XKR4: variants seen among roughly 807,000 people sequenced by gnomAD.
The protein encoded by XKR4 is XK-related protein 4.
A neutral mutation model predicts 53.9 loss-of-function variants in XKR4; 12 were observed. That is an observed-to-expected ratio of 0.22 (90% CI 0.14 to 0.36). The LOEUF is 0.36. XKR4 is among the 10% of genes least tolerant of loss of function. The pLI, the probability that XKR4 is intolerant of heterozygous loss-of-function variation, is 1.00. For synonymous variants in XKR4, 354 were observed against 362.4 expected (o/e 0.98, Z 0.26); for missense variants, 799 against 859.5 (o/e 0.93, Z 0.88).
chr8:55,155,631 TAAGAGA>T (rs773157845), intron 1 of XKR4, among the ~76,000 whole-genome samples: 1 of 148,032 alleles, frequency 6.8e-6, no homozygotes, highest in African/African-American at 2.5e-5. Context: ...ATAAAGGCAT[TAAGAGA>T]GAGAGAGAGA....
chr8:55,323,341 T>G (rs1803243397), intron 1 of XKR4, among the ~76,000 whole-genome samples: 1 of 152,222 alleles, frequency 6.6e-6, no homozygotes, highest in Non-Finnish European at 1.5e-5. Flanking sequence ...GCTACCCCTT[T>G]GCGGTCAATC....
intron 2 of XKR4, chr8:55,451,308 C>T (rs1389458263): frequency 3.3e-6 from 2 of 598,712 alleles, no homozygotes; most frequent in East Asian, 2.8e-5. Context: ...TGGATGCCGC[C>T]GCCATGGGGT....
At chr8:55,341,537 T>C (rs760660893) in intron 1 of XKR4, among the ~76,000 whole-genome samples, 7 of 152,176 alleles carry the variant, frequency 4.6e-5, no homozygotes, top group Non-Finnish European at 8.8e-5. Flanking sequence ...CCCTTTCCAG[T>C]AAGGATATTT....
chr8:55,132,884 C>G (rs1230946773), intron 1 of XKR4, among the ~76,000 whole-genome samples: 1 of 151,786 alleles, frequency 6.6e-6, no homozygotes, highest in African/African-American at 2.4e-5. Context: ...TGCTCAGCTC[C>G]CTGTGCCATG....
chr8:55,453,487 G>C (rs1017237185), intron 2 of XKR4: 2 of 394,690 alleles, frequency 5.1e-6, no homozygotes, highest in South Asian at 3.9e-5. Context: ...AGTTGCCCAC[G>C]ACCTCCAGCT....
chr8:55,281,554 C>T (rs73682943), intron 1 of XKR4, among the ~76,000 whole-genome samples: 2,823 of 152,252 alleles, frequency 0.019, 79 homozygotes, highest in African/African-American at 0.064. Context: ...TCACATTGAC[C>T]TATGACCTCA....
At chr8:55,267,725 T>G (rs1190783184) in intron 1 of XKR4, among the ~76,000 whole-genome samples, 1 of 152,174 alleles carries the variant, frequency 6.6e-6, no homozygotes. Context: ...ACTATAATAA[T>G]TTTACAATTG....
chr8:55,365,484 C>T (rs1039503185), intron 2 of XKR4, among the ~76,000 whole-genome samples: 2 of 152,186 alleles, frequency 1.3e-5, no homozygotes, highest in Non-Finnish European at 2.9e-5. Flanking sequence ...GCGGGCGGAT[C>T]ACCTGAGGTT....
chr8:55,460,685 C>G (rs2975970), intron 2 of XKR4, among the ~76,000 whole-genome samples: 1 of 152,120 alleles, frequency 6.6e-6, no homozygotes, highest in Non-Finnish European at 1.5e-5. Flanking sequence ...GGTGAGGCAT[C>G]GCCTCACCCG....
chr8:55,186,360 A>G (rs1817376210), intron 1 of XKR4, among the ~76,000 whole-genome samples: 1 of 152,234 alleles, frequency 6.6e-6, no homozygotes, highest in Non-Finnish European at 1.5e-5. Context: ...TTTGCCTTTA[A>G]AAATTCAAAT....
At chr8:55,449,057 T>C (rs1158777833) in intron 2 of XKR4, among the ~76,000 whole-genome samples, 1 of 150,278 alleles carries the variant, frequency 6.7e-6, no homozygotes, top group African/African-American at 2.4e-5. Context: ...GTCATGGTGG[T>C]ATTAAGAGAT....
At chr8:55,200,972 T>G (rs1349579357) in intron 1 of XKR4, among the ~76,000 whole-genome samples, 1 of 152,238 alleles carries the variant, frequency 6.6e-6, no homozygotes, top group Non-Finnish European at 1.5e-5. Flanking sequence ...TTATATTAAC[T>G]AATAATGTAG....
At chr8:55,206,268 C>A (rs994761793) in intron 1 of XKR4, among the ~76,000 whole-genome samples, 20 of 152,190 alleles carry the variant, frequency 1.3e-4, no homozygotes, top group Admixed American at 2.0e-4. Context: ...CCACGTCCTG[C>A]TGATTGGTCC....
intron 1 of XKR4, among the ~76,000 whole-genome samples, chr8:55,346,953 C>T (rs1803656546): frequency 2.0e-5 from 3 of 152,088 alleles, no homozygotes; most frequent in Admixed American, 1.3e-4. Context: ...TTAATGATTT[C>T]TTATTCAGCT....
chr8:55,153,155 C>G (rs924369012), intron 1 of XKR4, among the ~76,000 whole-genome samples: 2 of 152,180 alleles, frequency 1.3e-5, no homozygotes. Context: ...CACACACACT[C>G]TAGCATCAAG....
At chr8:55,336,041 CAAAAAAAAAA>C (rs34885296) in intron 1 of XKR4, among the ~76,000 whole-genome samples, 1 of 113,706 alleles carries the variant, frequency 8.8e-6, no homozygotes, top group African/African-American at 3.2e-5. Flanking sequence ...AACTCTATAC[CAAAAAAAAAA>C]AAAAAAAAGA....
At chr8:55,490,940 C>G (rs541728776) in intron 2 of XKR4, among the ~76,000 whole-genome samples, 2 of 148,254 alleles carry the variant, frequency 1.3e-5, no homozygotes, top group Non-Finnish European at 3.0e-5. Context: ...GCCCCCCCCC[C>G]ACCTTTATGA....
At position 55,535,303 on chromosome 8, in the gene XKR4, G is replaced by T. The variant is rs2129407151; in HGVS notation, c.*11076G>T. ...AGGTTTGTTACATATGTATACATGT[G>T]CCATGTTGGTGTGCTGTACCTATTA... On this transcript the variant is annotated 3_prime_UTR_variant, in exon 3 of 3. Transcript: ENST00000327381. The T allele has an allele frequency of 6.6e-6, 1 of 151,360 alleles. No homozygotes were observed. The highest frequency in any genetic ancestry group is 1.5e-5 in the Non-Finnish European group (1 of 67,896). The allele number at this position is 151,360 out of a possible 1,614,324, so 9.4% of individuals were successfully genotyped here.
In XKR4 at chr8:55,531,989, T is replaced by C. The variant is rs894818305; in HGVS notation, c.*7762T>C. On this transcript the variant is annotated 3_prime_UTR_variant, in exon 3 of 3. Coordinates refer to ENST00000327381, the MANE Select transcript of XKR4 (RefSeq NM_052898.2). ...AAACCCACACTGGCTTTGGACCCGA[T>C]TGCATTCTCTCCTGAGTGATTGGCT... The C allele has an allele frequency of 9.9e-5, 15 of 152,238 alleles. No individual in the cohort carries two copies. The highest frequency in any genetic ancestry group is 2.0e-4 in the Admixed American group (3 of 15,276). The allele number at this position is 152,238 out of a possible 1,614,324, so 9.4% of individuals were successfully genotyped here.
Sources: allele counts gnomAD v4.1 joint callset (sites outside exome capture counted in the v4.1 genomes callset), GRCh38; gene constraint gnomAD v4.1.1; transcripts MANE v1.5; gene names NCBI Gene and HGNC (gene_info 2026-07-23, HGNC 2026-07-21).